Variants in GABRB1 observed in about 807,000 individuals in gnomAD.
GABRB1 encodes the protein gamma-aminobutyric acid receptor subunit beta-1.
A neutral mutation model predicts 51.6 loss-of-function variants in GABRB1; 17 were observed. The ratio of observed to expected loss-of-function variants is 0.33; its 90% confidence interval spans 0.23 to 0.49. The LOEUF is 0.49. GABRB1 is among the 20% of genes least tolerant of loss of function. GABRB1 has a pLI of 0.99. For synonymous variants in GABRB1, 247 were observed against 218.9 expected, an observed-to-expected ratio of 1.13 and a Z score of -1.14; for missense variants, 410 against 600.6, an observed-to-expected ratio of 0.68 and a Z score of 3.32.
chr4:47,306,718 A>G (rs954117106), intron 4 of GABRB1, among the ~76,000 whole-genome samples: 3 of 152,162 alleles, frequency 2.0e-5, no homozygotes, highest in Admixed American at 6.6e-5. Context: ...AAATAAATGT[A>G]GTTTTTGTAA....
intron 4 of GABRB1, among the ~76,000 whole-genome samples, chr4:47,272,989 CACTG>C (rs369803732): frequency 0.73 from 98,071 of 134,708 alleles, 32,035 homozygotes; most frequent in South Asian, 0.85. Context: ...ATGATGAGTT[CACTG>C]TAGTGAACTC....
chr4:47,402,191 A>T (rs575398014), intron 5 of GABRB1, among the ~76,000 whole-genome samples: 30 of 152,286 alleles, frequency 2.0e-4, no homozygotes, highest in African/African-American at 6.0e-4. Context: ...GTTGATGGTG[A>T]CCCTTTGGCA....
chr4:47,281,297 C>T (rs549182468), intron 4 of GABRB1, among the ~76,000 whole-genome samples: 16 of 152,120 alleles, frequency 1.1e-4, no homozygotes, highest in Non-Finnish European at 2.1e-4. Context: ...TTAAAAAATG[C>T]TCAACATTCC....
At chr4:47,058,615 G>A (rs977850592) in intron 3 of GABRB1, among the ~76,000 whole-genome samples, 4 of 152,152 alleles carry the variant, frequency 2.6e-5, no homozygotes, top group African/African-American at 7.2e-5. Context: ...TTGGATTTCC[G>A]CAGAGGTGCC....
chr4:47,289,124 C>T (rs1307670806), intron 4 of GABRB1, among the ~76,000 whole-genome samples: 1 of 151,930 alleles, frequency 6.6e-6, no homozygotes, highest in Non-Finnish European at 1.5e-5. Flanking sequence ...TGACTCTTCC[C>T]TGAGGATCCA....
chr4:47,241,016 T>C (rs1278027920), intron 4 of GABRB1, among the ~76,000 whole-genome samples: 1 of 152,166 alleles, frequency 6.6e-6, no homozygotes, highest in Non-Finnish European at 1.5e-5. Flanking sequence ...AGAATCTTTT[T>C]TAAAAAAATA....
At chr4:47,379,453 T>C (rs1208037546) in intron 5 of GABRB1, among the ~76,000 whole-genome samples, 1 of 152,220 alleles carries the variant, frequency 6.6e-6, no homozygotes, top group Non-Finnish European at 1.5e-5. Context: ...TTGGCCTAAC[T>C]GTGAACTAAT....
chr4:47,171,180 C>T (rs760063443), intron 4 of GABRB1, among the ~76,000 whole-genome samples: 14 of 150,714 alleles, frequency 9.3e-5, no homozygotes, highest in Non-Finnish European at 1.5e-4. Context: ...AGATTAAATA[C>T]AAACAGTAAC....
chr4:47,176,333 A>T (rs13140979), intron 4 of GABRB1, among the ~76,000 whole-genome samples: 3 of 151,730 alleles, frequency 2.0e-5, no homozygotes, highest in Non-Finnish European at 4.4e-5. Context: ...AGAAGGACAC[A>T]GTTATTGAGA....
At chr4:47,180,500 C>G (rs1718899066) in intron 4 of GABRB1, among the ~76,000 whole-genome samples, 1 of 152,078 alleles carries the variant, frequency 6.6e-6, no homozygotes, top group Admixed American at 6.6e-5. Flanking sequence ...TTTGCTGATA[C>G]TGTTCCTGCT....
chr4:47,354,879 C>G (rs1423380431), intron 5 of GABRB1, among the ~76,000 whole-genome samples: 6 of 145,666 alleles, frequency 4.1e-5, no homozygotes, highest in Non-Finnish European at 8.9e-5. Context: ...TATACCCTGA[C>G]CCCCTGCTTT....
intron 3 of GABRB1, among the ~76,000 whole-genome samples, chr4:47,083,628 G>C (rs1444497102): frequency 6.6e-6 from 1 of 152,062 alleles, no homozygotes; most frequent in Non-Finnish European, 1.5e-5. Context: ...TATTTCCTGG[G>C]TCTGTCACAT....
chr4:47,412,572 T>C (rs1268867467), intron 8 of GABRB1, among the ~76,000 whole-genome samples: 1 of 152,350 alleles, frequency 6.6e-6, no homozygotes, highest in South Asian at 2.1e-4. Context: ...AGGAGCATTA[T>C]GGCTAAGATT....
At chr4:47,019,899 T>TGTATATGTATAA (rs1560498365) in intron 1 of GABRB1, among the ~76,000 whole-genome samples, 1 of 146,874 alleles carries the variant, frequency 6.8e-6, no homozygotes, top group East Asian at 2.1e-4. Flanking sequence ...TATATGTATA[T>TGTATATGTATAA]GTATATGTAT....
At chr4:47,425,377 CCACACACACACACACACACACA>C (rs34275303) in intron 8 of GABRB1, among the ~76,000 whole-genome samples, 1 of 138,332 alleles carries the variant, frequency 7.2e-6, no homozygotes, top group South Asian at 2.5e-4. Context: ...AGAAGAAATA[CCACACACACACACACACACACA>C]CACACACACA....
In GABRB1 at chr4:47,284,563, G is replaced by A. The variant is rs141763358; in HGVS notation, c.462-35564G>A. Among the ~76,000 whole-genome samples, 744 of 152,156 alleles carry A rather than the reference G, an allele frequency of 4.9e-3. 18 individuals carry two copies. The highest frequency in any genetic ancestry group is 0.036 in the East Asian group (188 of 5,184). ...AAAACTTTTTCTTTTCTCTCAAGAG[G>A]GTTCACAACATATAATTCTGAGTTA... On this transcript the variant is annotated intron_variant, in intron 4 of 8. Coordinates refer to ENST00000295454, the MANE Select transcript of GABRB1 (RefSeq NM_000812.4).
intron 3 of GABRB1, among the ~76,000 whole-genome samples, chr4:47,035,567 A>T (rs1456385516): frequency 6.6e-6 from 1 of 152,100 alleles, no homozygotes; most frequent in Admixed American, 6.6e-5. Flanking sequence ...TGTCATCTTA[A>T]AAAACCACCA....
chr4:47,140,821 G>T, intron 3 of GABRB1, among the ~76,000 whole-genome samples: 1 of 148,404 alleles, frequency 6.7e-6, no homozygotes, highest in African/African-American at 2.5e-5. Flanking sequence ...AAAAAAAATA[G>T]ATATTTCCTA....
At chr4:47,147,780 G>A (rs1022956862) in intron 3 of GABRB1, among the ~76,000 whole-genome samples, 10 of 152,026 alleles carry the variant, frequency 6.6e-5, no homozygotes, top group African/African-American at 2.2e-4. Flanking sequence ...AGATTTTATA[G>A]CAAGACAAGA....
Sources: gnomAD v4.1 joint callset for allele counts (sites outside exome capture counted in the v4.1 genomes callset) on GRCh38, gnomAD v4.1.1 for gene constraint, MANE v1.5 for transcripts, NCBI Gene and HGNC (gene_info 2026-07-23, HGNC 2026-07-21) for gene names.